Variants in BTBD10 observed in about 807,000 individuals in gnomAD.
BTBD10 encodes BTB domain containing 10, also known as BTB/POZ domain-containing protein 10.
In BTBD10, 21 loss-of-function variants were observed where a neutral mutation model predicts 53.2. That is an observed-to-expected ratio of 0.39 (90% CI 0.28 to 0.57). The LOEUF is 0.57. Among genes scored for constraint, BTBD10 ranks in the 20% least tolerant of loss-of-function variants. BTBD10 has a pLI of 0.53. For missense variants in BTBD10, 360 were observed against 594.7 expected, an observed-to-expected ratio of 0.61 and a Z score of 4.10; for synonymous variants, 149 against 192.7, an observed-to-expected ratio of 0.77 and a Z score of 1.88.
At chr11:13,458,839 C>T (rs1951027037) in intron 1 of BTBD10, among the ~76,000 whole-genome samples, 1 of 152,060 alleles carries the variant, frequency 6.6e-6, no homozygotes, top group African/African-American at 2.4e-5. Context: ...CAGATCATAT[C>T]GCTTGCTTTC....
At chr11:13,405,496 G>A in intron 7 of BTBD10, 163 bp downstream of exon 7, 6 of 688,036 alleles carry the variant, frequency 8.7e-6, no homozygotes, top group Non-Finnish European at 9.6e-6. Flanking sequence ...CTCTGCCACT[G>A]TAGCATGAAA....
chr11:13,459,645 T>TC (rs1214421873), intron 1 of BTBD10: 1 of 152,190 alleles, frequency 6.6e-6, no homozygotes, highest in Non-Finnish European at 1.5e-5. Context: ...CCTTATTACT[T>TC]CAACTGCAAA....
chr11:13,388,728 AT>A lies in BTBD10; in HGVS notation c.*102del. On this transcript the variant is annotated 3_prime_UTR_variant, in exon 9 of 9. Coordinates refer to ENST00000278174, the MANE Select transcript of BTBD10 (RefSeq NM_032320.7). ...ACACTGCAATATCCTAAACATTGTTATGTGCATCTCACAATGAAGAAGAGTG... is the reference window on the plus strand; with the variant it reads ...ACACTGCAATATCCTAAACATTGTTAGTGCATCTCACAATGAAGAAGAGTG... The A allele has an allele frequency of 1.6e-6, 2 of 1,253,022 alleles. No homozygotes were observed. The highest frequency in any genetic ancestry group is 2.2e-6 in the Non-Finnish European group (2 of 899,836). 77.6% of individuals were successfully genotyped at this position (1,253,022 alleles called of 1,614,324 possible).
chr11:13,391,503 AT>A (rs1212613029), intron 8 of BTBD10, among the ~76,000 whole-genome samples: 4 of 152,196 alleles, frequency 2.6e-5, no homozygotes, highest in African/African-American at 7.2e-5. Context: ...ATGAGTTCCT[AT>A]ATGGCTTTGA....
In BTBD10 at chr11:13,388,809, A is replaced by G. The variant is rs1238814753; in HGVS notation, c.*22T>C. The G allele has an allele frequency of 1.3e-6, 2 of 1,595,790 alleles. No individual in the cohort carries two copies. Among genetic ancestry groups the G allele is most frequent in the South Asian group, 1.1e-5 (1 of 88,336 alleles). On this transcript the variant is annotated 3_prime_UTR_variant, in exon 9 of 9. Transcript: ENST00000278174. ...ACGTCACTGTGAAGAGTAGCATGCT[A>G]TGGTTTCAAGGAAGATCAGCATCAC...
At chr11:13,448,257 T>C (rs1950785922) in intron 1 of BTBD10, among the ~76,000 whole-genome samples, 1 of 152,158 alleles carries the variant, frequency 6.6e-6, no homozygotes, top group African/African-American at 2.4e-5. Context: ...CCTGGAGCAC[T>C]TCTATTCAAG....
intron 8 of BTBD10, among the ~76,000 whole-genome samples, chr11:13,401,792 C>G (rs1949720444): frequency 6.6e-6 from 1 of 152,192 alleles, no homozygotes; most frequent in African/African-American, 2.4e-5. Context: ...TTATCATGGC[C>G]TATAAGACCC....
At chr11:13,461,558 A>C (rs529603067) in intron 1 of BTBD10, among the ~76,000 whole-genome samples, 1 of 152,340 alleles carries the variant, frequency 6.6e-6, no homozygotes, top group South Asian at 2.1e-4. Context: ...TAAAAAGCCA[A>C]AAGCAGACCA....
chr11:13,407,047 T>C (rs1565236638), intron 6 of BTBD10, among the ~76,000 whole-genome samples: 1 of 152,114 alleles, frequency 6.6e-6, no homozygotes, highest in Non-Finnish European at 1.5e-5. Flanking sequence ...ACAATAACCA[T>C]CTTTTGGTCC....
At chr11:13,400,568 C>T (rs554476042) in intron 8 of BTBD10, among the ~76,000 whole-genome samples, 131 of 152,208 alleles carry the variant, frequency 8.6e-4, no homozygotes, top group African/African-American at 2.8e-3. Flanking sequence ...ACCCACTGTC[C>T]GGCACTCCCC....
At chr11:13,444,222 T>A (rs1950714941) in intron 2 of BTBD10, among the ~76,000 whole-genome samples, 1 of 151,938 alleles carries the variant, frequency 6.6e-6, no homozygotes, top group Non-Finnish European at 1.5e-5. Context: ...ATCACAATAT[T>A]ATGGCTTTTT....
At chr11:13,397,353 T>C (rs1375085315) in intron 8 of BTBD10, among the ~76,000 whole-genome samples, 2 of 152,340 alleles carry the variant, frequency 1.3e-5, no homozygotes, top group Admixed American at 1.3e-4. Context: ...TATTCTCTGA[T>C]GGTAGTTTGT....
intron 1 of BTBD10, among the ~76,000 whole-genome samples, chr11:13,461,659 T>C (rs1010845471): frequency 6.6e-6 from 1 of 152,146 alleles, no homozygotes; most frequent in Non-Finnish European, 1.5e-5. Context: ...GGTGGAAGGG[T>C]AACATAATTA....
chr11:13,455,503 T>C (rs1385253793), intron 1 of BTBD10, among the ~76,000 whole-genome samples: 1 of 152,218 alleles, frequency 6.6e-6, no homozygotes, highest in Non-Finnish European at 1.5e-5. Context: ...CTACATTACA[T>C]GATTAGCATT....
intron 1 of BTBD10, among the ~76,000 whole-genome samples, chr11:13,447,438 T>C (rs780751304): frequency 9.9e-5 from 15 of 152,198 alleles, no homozygotes; most frequent in Non-Finnish European, 1.8e-4. Flanking sequence ...CTCTTCCTTT[T>C]CCTTAACTAT....
At chr11:13,440,286 T>C in intron 2 of BTBD10, 1 of 1,177,232 alleles carries the variant, frequency 8.5e-7, no homozygotes, top group Non-Finnish European at 1.1e-6. Flanking sequence ...GTGTGAGCTG[T>C]GATCGTCCCA....
intron 2 of BTBD10, among the ~76,000 whole-genome samples, chr11:13,433,066 T>C (rs943003462): frequency 6.6e-6 from 1 of 152,208 alleles, no homozygotes; most frequent in Non-Finnish European, 1.5e-5. Context: ...GCTATATATA[T>C]GTTTTTGTCC....
At chr11:13,407,646 T>G (rs1949860478) in intron 6 of BTBD10, among the ~76,000 whole-genome samples, 1 of 152,236 alleles carries the variant, frequency 6.6e-6, no homozygotes. Flanking sequence ...CAAAGATAGC[T>G]GCAAAATCTC....
intron 2 of BTBD10, among the ~76,000 whole-genome samples, chr11:13,428,871 G>A (rs1950395717): frequency 6.6e-6 from 1 of 152,044 alleles, no homozygotes; most frequent in Non-Finnish European, 1.5e-5. Flanking sequence ...ATCTATTGTA[G>A]GCTCTAGTAA....
Sources: gnomAD v4.1 joint callset for allele counts (sites outside exome capture counted in the v4.1 genomes callset) on GRCh38, gnomAD v4.1.1 for gene constraint, MANE v1.5 for transcripts, NCBI Gene and HGNC (gene_info 2026-07-23, HGNC 2026-07-21) for gene names.